The following CEP192 variants were observed in gnomAD, a reference collection of about 807,000 sequenced individuals.
CEP192 encodes centrosomal protein of 192 kDa.
In CEP192, 151 loss-of-function variants were observed where a neutral mutation model predicts 271.8. The observed-to-expected ratio is 0.56, with a 90% CI of 0.49 to 0.64. The LOEUF (loss-of-function observed/expected upper bound fraction) is 0.64. CEP192 is among the 30% of genes least tolerant of loss of function. The pLI is 0.00. For missense variants in CEP192, 2,910 were observed against 3,020.5 expected (o/e 0.96, Z 0.86); for synonymous variants, 995 against 1,076.5 (o/e 0.92, Z 1.48).
At chr18:13,045,073 A>G (rs1396742148) in intron 15 of CEP192, among the ~76,000 whole-genome samples, 2 of 152,172 alleles carry the variant, frequency 1.3e-5, no homozygotes, top group East Asian at 1.9e-4. Context: ...CTTGTGATTA[A>G]TATCTTAGGT....
chr18:13,016,310 T>G (rs563657911), intron 6 of CEP192, among the ~76,000 whole-genome samples: 1 of 152,124 alleles, frequency 6.6e-6, no homozygotes, highest in African/African-American at 2.4e-5. Context: ...GGCCCTGCTG[T>G]AAGCACGTGG....
chr18:13,042,503 G>A (rs960414066), intron 15 of CEP192, among the ~76,000 whole-genome samples, 169 bp downstream of exon 15: 2 of 152,012 alleles, frequency 1.3e-5, no homozygotes, highest in African/African-American at 2.4e-5. Context: ...TTTTTGTGGC[G>A]ATATAATATA....
At chr18:13,122,638 T>C (rs1056668955) in intron 44 of CEP192, among the ~76,000 whole-genome samples, 1 of 152,202 alleles carries the variant, frequency 6.6e-6, no homozygotes, top group African/African-American at 2.4e-5. Context: ...ATTTGTAGGT[T>C]CCACTAAGCC....
At chr18:13,100,128 G>A (rs1383174822) in intron 37 of CEP192, among the ~76,000 whole-genome samples, 177 bp from the exon 38 acceptor site, 2 of 152,224 alleles carry the variant, frequency 1.3e-5, no homozygotes, top group African/African-American at 4.8e-5. Context: ...AAGGTAATGG[G>A]AGAGAGGAGA....
chr18:13,063,441 T>A (rs942715373), intron 21 of CEP192, among the ~76,000 whole-genome samples: 4 of 152,232 alleles, frequency 2.6e-5, no homozygotes, highest in South Asian at 2.1e-4. Flanking sequence ...TCATTGTAGT[T>A]TTGATTTGCA....
intron 15 of CEP192, among the ~76,000 whole-genome samples, chr18:13,047,696 T>C (rs188800150): frequency 1.1e-3 from 170 of 152,328 alleles, no homozygotes; most frequent in Non-Finnish European, 1.9e-3. Context: ...TTAACATGTA[T>C]TTTTTGTTGT....
intron 9 of CEP192, among the ~76,000 whole-genome samples, chr18:13,028,731 G>A (rs1367251086): frequency 6.6e-6 from 1 of 152,018 alleles, no homozygotes; most frequent in African/African-American, 2.4e-5. Context: ...TGTTGGCCAG[G>A]GTGGTCTCGA....
At chr18:12,991,669 C>A (rs896385901) in intron 1 of CEP192, among the ~76,000 whole-genome samples, 1 of 152,388 alleles carries the variant, frequency 6.6e-6, no homozygotes, top group East Asian at 1.9e-4. Flanking sequence ...TAATTGCACG[C>A]CTCTGTGTCA....
At chr18:13,076,311 G>T (rs763960655) in intron 30 of CEP192, among the ~76,000 whole-genome samples, 1 of 151,904 alleles carries the variant, frequency 6.6e-6, no homozygotes, top group Admixed American at 6.5e-5. Context: ...TGCAACCTCT[G>T]CCCCCCAGGT....
chr18:13,068,172 G>A lies in CEP192; in HGVS notation c.4693G>A (p.Val1565Met), dbSNP rs774231062. The change falls in exon 23 of 45, where the codon GTG (valine) becomes ATG (methionine). Residue 1565 changes from valine (V) to methionine (M), a missense_variant. Transcript: ENST00000506447. ...TGTGGAAGTTGCTCCTTGCGCTGAT[G>A]TGGTCACTCGGCTAGCAGGCCCTTC... ...APVEVAPCAD[V>M]VTRLAGPSVV... is the part of the protein sequence containing the mutation. 2 of 1,614,248 alleles carry A rather than the reference G, an allele frequency of 1.2e-6. No individual in the cohort carries two copies. The highest frequency in any genetic ancestry group is 4.5e-5 in the East Asian group (2 of 44,892).
chr18:13,079,054 G>T (rs2038446636), intron 30 of CEP192, among the ~76,000 whole-genome samples: 1 of 152,128 alleles, frequency 6.6e-6, no homozygotes, highest in African/African-American at 2.4e-5. Flanking sequence ...CATTTGGGTT[G>T]GTTCCAAGTC....
chr18:13,123,338 T>C (rs1462823966), intron 44 of CEP192, among the ~76,000 whole-genome samples: 2 of 152,144 alleles, frequency 1.3e-5, no homozygotes, highest in East Asian at 3.9e-4. Context: ...AATAAAAACA[T>C]ATAGAGATAC....
chr18:13,082,530 G>A (rs1273691742), intron 30 of CEP192, among the ~76,000 whole-genome samples: 1 of 145,574 alleles, frequency 6.9e-6, no homozygotes, highest in Non-Finnish European at 1.5e-5. Flanking sequence ...CACGTGAGAT[G>A]GGTCTCCTGA....
At chr18:13,013,503 G>A (rs943200313) in intron 5 of CEP192, among the ~76,000 whole-genome samples, 2 of 152,190 alleles carry the variant, frequency 1.3e-5, no homozygotes, top group Non-Finnish European at 1.5e-5. Flanking sequence ...AAAAAAGACA[G>A]GTCTAATGAG....
chr18:13,087,235 G>T lies in CEP192; in HGVS notation c.5835G>T (p.Arg1945Ser). 1 of 1,610,390 alleles carries T rather than the reference G, an allele frequency of 6.2e-7. No homozygotes were observed. Among genetic ancestry groups the T allele is most frequent in the Non-Finnish European group, 8.5e-7 (1 of 1,176,936 alleles). The change falls in exon 31 of 45, where the codon AGG (arginine) becomes AGT (serine). Residue 1945 changes from arginine to serine, a missense_variant. Physicochemically the swap from Arg to Ser is moderately radical, Grantham distance 110. Coordinates refer to ENST00000506447, the MANE Select transcript of CEP192 (RefSeq NM_032142.4). ...TTTTGCTGGATCCTAAAGTATTGAGGATTTTTCCAGATAAATTTGTACTCA... is the reference window on the plus strand; with the variant it reads ...TTTTGCTGGATCCTAAAGTATTGAGTATTTTTCCAGATAAATTTGTACTCA... ...KKVLLDPKVLRIFPDKFVLKE... is the reference protein window; with the variant it reads ...KKVLLDPKVLSIFPDKFVLKE...
At chr18:13,026,102 T>C (rs1301014506) in intron 9 of CEP192, among the ~76,000 whole-genome samples, 1 of 152,224 alleles carries the variant, frequency 6.6e-6, no homozygotes, top group East Asian at 1.9e-4. Context: ...TTCCCTTTCA[T>C]GTTTGAAGGA....
chr18:12,999,399 A>G (rs1331711095), intron 1 of CEP192, 22 bp from the exon 2 acceptor site: 3 of 1,487,936 alleles, frequency 2.0e-6, no homozygotes, highest in Admixed American at 2.3e-5. Flanking sequence ...TGTGACCTAT[A>G]GAAATACTTT....
At chr18:13,087,675 G>T in intron 32 of CEP192, 29 bp downstream of exon 32, 1 of 1,166,490 alleles carries the variant, frequency 8.6e-7, no homozygotes, top group South Asian at 1.5e-5. Context: ...ACAATGTTGG[G>T]AACCATTCAG....
intron 3 of CEP192, among the ~76,000 whole-genome samples, chr18:13,002,530 A>C (rs2033718596): frequency 6.6e-6 from 1 of 152,178 alleles, no homozygotes; most frequent in South Asian, 2.1e-4. Context: ...TCTAGGGTTT[A>C]AATTGCTGAG....
Sources: gnomAD v4.1 joint callset for allele counts (sites outside exome capture counted in the v4.1 genomes callset) on GRCh38, gnomAD v4.1.1 for gene constraint, MANE v1.5 for transcripts, NCBI Gene and HGNC (gene_info 2026-07-23, HGNC 2026-07-21) for gene names.